Variants in SNX24 observed in about 807,000 individuals in gnomAD.
SNX24 encodes sorting nexin 24.
In SNX24, 22 loss-of-function variants were observed where a neutral mutation model predicts 28.7. That is an observed-to-expected ratio of 0.77 (90% CI 0.55 to 1.10). The LOEUF is 1.10. SNX24 is among the 50% of genes least tolerant of loss of function. The pLI is 0.00. For missense variants in SNX24, 221 were observed against 201.1 expected (o/e 1.10, Z -0.60); for synonymous variants, 69 against 71.5 (o/e 0.96, Z 0.18).
chr5:122,876,383 C>G (rs1303850684), intron 1 of SNX24, among the ~76,000 whole-genome samples: 1 of 152,026 alleles, frequency 6.6e-6, no homozygotes, highest in Non-Finnish European at 1.5e-5. Flanking sequence ...TGATTAATTG[C>G]TTAATTAATA....
chr5:122,902,474 C>G (rs1331327474), intron 1 of SNX24, among the ~76,000 whole-genome samples: 1 of 152,146 alleles, frequency 6.6e-6, no homozygotes, highest in East Asian at 1.9e-4. Flanking sequence ...CAACCACTTG[C>G]AAAAAGCATG....
chr5:122,988,977 C>T (rs1317000286), intron 3 of SNX24, among the ~76,000 whole-genome samples: 2 of 151,420 alleles, frequency 1.3e-5, no homozygotes, highest in Admixed American at 1.3e-4. Context: ...TTTCTTTTTT[C>T]CCCTAAGTGT....
chr5:122,946,262 C>A, intron 3 of SNX24, 103 bp downstream of exon 3: 1 of 573,982 alleles, frequency 1.7e-6, no homozygotes, highest in Non-Finnish European at 3.0e-6. Flanking sequence ...GTTAAGCAGC[C>A]AAAGATTCTA....
chr5:122,914,639 C>T (rs1414706923), intron 1 of SNX24, among the ~76,000 whole-genome samples: 1 of 150,238 alleles, frequency 6.7e-6, no homozygotes, highest in African/African-American at 2.5e-5. Context: ...GTGTATGTGT[C>T]GAGGAATTTA....
chr5:122,856,282 G>C (rs1561510321), intron 1 of SNX24, among the ~76,000 whole-genome samples: 1 of 152,076 alleles, frequency 6.6e-6, no homozygotes, highest in African/African-American at 2.4e-5. Flanking sequence ...CTCCAACCAT[G>C]TTGCCACAAA....
intron 1 of SNX24, among the ~76,000 whole-genome samples, chr5:122,923,338 C>G (rs1228368053): frequency 6.8e-6 from 1 of 147,312 alleles, no homozygotes; most frequent in African/African-American, 2.5e-5. Flanking sequence ...GACCCCATCT[C>G]TAAAAAAAAA....
At chr5:123,018,781 G>A (rs1312806625) in intron 5 of SNX24, among the ~76,000 whole-genome samples, 1 of 151,988 alleles carries the variant, frequency 6.6e-6, no homozygotes. Flanking sequence ...CCGCCTCCCG[G>A]GTTCAAGCAA....
At chr5:123,021,693 C>G (rs1442939251) in intron 5 of SNX24, among the ~76,000 whole-genome samples, 3 of 152,196 alleles carry the variant, frequency 2.0e-5, no homozygotes, top group African/African-American at 7.2e-5. Flanking sequence ...CAACTTCAAA[C>G]AGATAACCCT....
chr5:122,874,050 G>A (rs991767375), intron 1 of SNX24, among the ~76,000 whole-genome samples: 3 of 152,186 alleles, frequency 2.0e-5, no homozygotes, highest in African/African-American at 2.4e-5. Context: ...GATTATTGGC[G>A]TGAGCCACCA....
At chr5:122,968,071 G>A (rs1402058060) in intron 3 of SNX24, among the ~76,000 whole-genome samples, 1 of 152,206 alleles carries the variant, frequency 6.6e-6, no homozygotes, top group Non-Finnish European at 1.5e-5. Flanking sequence ...ATGAATGTGT[G>A]TAACCTATAA....
chr5:123,023,807 A>AACACTC, intron 5 of SNX24: 1 of 1,293,846 alleles, frequency 7.7e-7, no homozygotes, highest in Non-Finnish European at 1.0e-6. Flanking sequence ...AAGACAACAC[A>AACACTC]ACACACACAC....
At chr5:122,918,645 T>C (rs900540709) in intron 1 of SNX24, among the ~76,000 whole-genome samples, 2 of 152,212 alleles carry the variant, frequency 1.3e-5, no homozygotes, top group East Asian at 1.9e-4. Flanking sequence ...ATTTAATAAA[T>C]AATGTATAGA....
At chr5:122,932,833 G>A (rs768414624) in intron 1 of SNX24, among the ~76,000 whole-genome samples, 11 of 137,908 alleles carry the variant, frequency 8.0e-5, no homozygotes, top group Non-Finnish European at 1.2e-4. Flanking sequence ...CGCTCCAGCC[G>A]GGGCGACAGA....
chr5:123,010,653 A>G (rs144900667), downstream of SNX24, among the ~76,000 whole-genome samples: 455 of 152,268 alleles, frequency 3.0e-3, 2 homozygotes, highest in African/African-American at 1.0e-2. Flanking sequence ...ATAGATAAAA[A>G]ATAAATTTGT....
At chr5:123,013,082 T>C (rs570166823), downstream of SNX24, among the ~76,000 whole-genome samples, 7 of 152,202 alleles carry the variant, frequency 4.6e-5, no homozygotes, top group African/African-American at 1.4e-4. Context: ...GTGTTTGTTA[T>C]ATGAGGTCAC....
At chr5:122,941,850 G>T (rs1759463693) in intron 2 of SNX24, among the ~76,000 whole-genome samples, 2 of 152,180 alleles carry the variant, frequency 1.3e-5, no homozygotes, top group African/African-American at 4.8e-5. Context: ...TGATACCTTT[G>T]TAGCTCCTCT....
At chr5:122,983,247 C>T (rs1294712341) in intron 3 of SNX24, among the ~76,000 whole-genome samples, 2 of 146,472 alleles carry the variant, frequency 1.4e-5, no homozygotes, top group Non-Finnish European at 3.0e-5. Context: ...ATTATTCTTT[C>T]CTTCTATTCC....
intron 3 of SNX24, among the ~76,000 whole-genome samples, chr5:122,988,222 C>T (rs1324995788): frequency 6.6e-6 from 1 of 152,110 alleles, no homozygotes; most frequent in Non-Finnish European, 1.5e-5. Context: ...CTTTGTGTCT[C>T]CTGAGCTTCT....
chr5:122,939,857 C>T (rs1759363621), intron 2 of SNX24, among the ~76,000 whole-genome samples: 1 of 152,204 alleles, frequency 6.6e-6, no homozygotes, highest in South Asian at 2.1e-4. Context: ...CTACCTCCAT[C>T]ACACACACTG....
Sources: gnomAD v4.1 joint callset for allele counts (sites outside exome capture counted in the v4.1 genomes callset) on GRCh38, gnomAD v4.1.1 for gene constraint, MANE v1.5 for transcripts, NCBI Gene and HGNC (gene_info 2026-07-23, HGNC 2026-07-21) for gene names.